ARFGEF3: variants seen among roughly 807,000 people sequenced by gnomAD.
ARFGEF3 encodes brefeldin A-inhibited guanine nucleotide-exchange protein 3.
A neutral mutation model predicts 221.7 loss-of-function variants in ARFGEF3; 96 were observed. That is an observed-to-expected ratio of 0.43 (90% CI 0.37 to 0.51). The LOEUF is 0.51. Ranked by LOEUF, ARFGEF3 falls within the 20% of genes least tolerant of loss-of-function variation. ARFGEF3 has a pLI of 0.00. For missense variants in ARFGEF3, 2,410 were observed against 2,789.9 expected (o/e 0.86, Z 3.07); for synonymous variants, 1,145 against 1,126.8 (o/e 1.02, Z -0.32).
At chr6:138,326,393 G>A (rs1780127019) in intron 31 of ARFGEF3, among the ~76,000 whole-genome samples, 1 of 152,096 alleles carries the variant, frequency 6.6e-6, no homozygotes, top group South Asian at 2.1e-4. Context: ...GACCAGCCTA[G>A]GCAATACCAT....
chr6:138,182,563 A>G (rs1246319390), intron 2 of ARFGEF3, among the ~76,000 whole-genome samples: 1 of 152,238 alleles, frequency 6.6e-6, no homozygotes, highest in Non-Finnish European at 1.5e-5. Flanking sequence ...TAAGATTAGC[A>G]CGTATACCTA....
At chr6:138,319,011 TG>T (rs1779974213) in intron 27 of ARFGEF3, among the ~76,000 whole-genome samples, 1 of 152,060 alleles carries the variant, frequency 6.6e-6, no homozygotes, top group Non-Finnish European at 1.5e-5. Flanking sequence ...CTGGAGCAAG[TG>T]GTGTGATCAT....
rs1457411505 is a variant in ARFGEF3, at chr6:138,279,989, C to T, written c.2296-10C>T. 1 of 1,613,576 alleles carries T rather than the reference C, an allele frequency of 6.2e-7. No individual in the cohort carries two copies. The highest frequency in any genetic ancestry group is 1.1e-5 in the South Asian group (1 of 91,054). On this transcript the variant is annotated splice_polypyrimidine_tract_variant and intron_variant, in intron 13 of 33. Transcript: ENST00000251691. ...TTATGTGGTCACCTTCTCATGCGATCTCTCTGTAGAAGGACTTCATGAAGC... is the reference window on the plus strand; with the variant it reads ...TTATGTGGTCACCTTCTCATGCGATTTCTCTGTAGAAGGACTTCATGAAGC...
intron 12 of ARFGEF3, among the ~76,000 whole-genome samples, chr6:138,268,657 GAAC>G (rs1778939961): frequency 6.6e-6 from 1 of 152,216 alleles, no homozygotes; most frequent in South Asian, 2.1e-4. Context: ...ATCCTGGATA[GAAC>G]AAAGTGACGT....
intron 29 of ARFGEF3, among the ~76,000 whole-genome samples, chr6:138,323,065 G>A (rs2114682820): frequency 6.6e-6 from 1 of 152,070 alleles, no homozygotes; most frequent in Non-Finnish European, 1.5e-5. Flanking sequence ...GTAGAGGAGT[G>A]ATGGAAAATG....
In ARFGEF3 at chr6:138,296,932, C is replaced by G; in HGVS notation, c.3625C>G (p.Leu1209Val). 6.2e-7 allele frequency: 1 copy of G among 1,613,458 alleles called. No homozygotes were observed. The highest frequency in any genetic ancestry group is 8.5e-7 in the Non-Finnish European group (1 of 1,179,686). Residue 1209 changes from leucine (L) to valine (V), a missense_variant, in exon 21 of 34, where the codon CTT (leucine) becomes GTT (valine). Physicochemically the swap from Leu to Val is conservative, Grantham distance 32. Transcript: ENST00000251691. Reference protein sequence around the residue: ...PLLHVMRCWSLVAPHLVEAAC... With the variant: ...PLLHVMRCWSVVAPHLVEAAC... The stretch of plus-strand genomic sequence containing the variant: ...GCTCCACGTGATGCGCTGCTGGAGC[C>G]TTGTGGCCCCACACCTGGTGGAGGT...
chr6:138,299,917 C>G (rs1779599521), intron 22 of ARFGEF3, among the ~76,000 whole-genome samples: 2 of 151,944 alleles, frequency 1.3e-5, no homozygotes, highest in South Asian at 4.2e-4. Context: ...TGAAATTACA[C>G]CACCTCAGGA....
intron 2 of ARFGEF3, among the ~76,000 whole-genome samples, chr6:138,178,459 G>C (rs1399510775): frequency 6.6e-6 from 1 of 152,180 alleles, no homozygotes; most frequent in Non-Finnish European, 1.5e-5. Context: ...CTTGAAGACT[G>C]TGCTGAGATG....
In ARFGEF3 at chr6:138,192,593, T is replaced by TAG. The variant is rs1403759966; in HGVS notation, c.138-14449_138-14448insAG. Among the ~76,000 whole-genome samples, 3 of 152,222 alleles carry TAG rather than the reference T, an allele frequency of 2.0e-5. No homozygotes were observed. The East Asian group carries it at 5.8e-4, about 29-fold the overall frequency. ...TGTGTGCATCCCTAGGCCTAAGGGCTGGCCATGAAGCAGTTAACTGCAGTG... is the reference window on the plus strand; with the variant it reads ...TGTGTGCATCCCTAGGCCTAAGGGCTAGGGCCATGAAGCAGTTAACTGCAGTG... On this transcript the variant is annotated intron_variant, in intron 2 of 33. Transcript: ENST00000251691.
intron 33 of ARFGEF3, among the ~76,000 whole-genome samples, chr6:138,335,524 G>A (rs953345726): frequency 2.7e-5 from 4 of 149,774 alleles, no homozygotes; most frequent in Non-Finnish European, 5.9e-5. Flanking sequence ...TGGACAACAC[G>A]GCAAAACCCA....
In ARFGEF3 at chr6:138,263,320, C is replaced by CA; in HGVS notation, c.1838dup (p.Tyr614ValfsTer27). 1 of 1,613,948 alleles carries CA rather than the reference C, an allele frequency of 6.2e-7. No homozygotes were observed. The highest frequency in any genetic ancestry group is 8.5e-7 in the Non-Finnish European group (1 of 1,179,894). ...TAGGACAGAGTTTGATTCCTGTGAT[C>CA]AGTACTCTATGGCAGCAGAAAAGGA... is the stretch of plus-strand genomic sequence containing the variant. On this transcript the variant is annotated frameshift_variant, in exon 12 of 34. Coordinates refer to ENST00000251691, the MANE Select transcript of ARFGEF3 (RefSeq NM_020340.5). LOFTEE classifies it high-confidence loss of function.
intron 2 of ARFGEF3, among the ~76,000 whole-genome samples, chr6:138,187,264 G>A (rs1388882399): frequency 5.9e-5 from 9 of 152,200 alleles, no homozygotes; most frequent in Admixed American, 2.6e-4. Context: ...CTAGAGCCTT[G>A]TGGATAGAAA....
At chr6:138,305,899 C>T (rs994132129) in intron 22 of ARFGEF3, among the ~76,000 whole-genome samples, 1 of 152,096 alleles carries the variant, frequency 6.6e-6, no homozygotes, top group African/African-American at 2.4e-5. Flanking sequence ...CATCTAACAT[C>T]ACACTTAATG....
chr6:138,343,423 C>T lies in ARFGEF3; in HGVS notation c.*6937C>T, dbSNP rs1233691121. The T allele has an allele frequency of 6.6e-6, 1 of 150,894 alleles. No individual in the cohort carries two copies. The allele number at this position is 150,894 out of a possible 1,614,324, so 9.3% of individuals were successfully genotyped here. A position where few individuals can be genotyped will look rare whatever the true frequency, so the allele number is the denominator to read the frequency against. On this transcript the variant is annotated 3_prime_UTR_variant, in exon 34 of 34. Coordinates refer to ENST00000251691, the MANE Select transcript of ARFGEF3 (RefSeq NM_020340.5). Reference sequence around the variant, plus strand: ...TTGATGATATCAAGGAGACAATCTACAGAGTTTTTGCCTCTGTGGATGGAA... The same window carrying T: ...TTGATGATATCAAGGAGACAATCTATAGAGTTTTTGCCTCTGTGGATGGAA...
intron 19 of ARFGEF3, among the ~76,000 whole-genome samples, chr6:138,292,548 G>A (rs976404036): frequency 7.9e-5 from 12 of 152,174 alleles, no homozygotes; most frequent in South Asian, 2.1e-4. Flanking sequence ...ATCACCAATC[G>A]CCTCAACTGT....
intron 1 of ARFGEF3, among the ~76,000 whole-genome samples, chr6:138,167,479 C>T (rs865784340): frequency 5.9e-5 from 9 of 152,332 alleles, no homozygotes; most frequent in South Asian, 2.1e-4. Flanking sequence ...CCCACCTCTA[C>T]CTCACTGCCC....
At chr6:138,236,156 T>G (rs1007763218) in intron 5 of ARFGEF3, among the ~76,000 whole-genome samples, 1 of 152,196 alleles carries the variant, frequency 6.6e-6, no homozygotes, top group Non-Finnish European at 1.5e-5. Context: ...GATTGCATAG[T>G]GGTATGTTTC....
At chr6:138,206,569 G>A (rs1777628025) in intron 2 of ARFGEF3, among the ~76,000 whole-genome samples, 1 of 152,144 alleles carries the variant, frequency 6.6e-6, no homozygotes, top group African/African-American at 2.4e-5. Flanking sequence ...CAAACTAATA[G>A]AATTTTGATG....
chr6:138,308,293 CA>C, intron 23 of ARFGEF3, among the ~76,000 whole-genome samples: 1 of 152,148 alleles, frequency 6.6e-6, no homozygotes, highest in East Asian at 1.9e-4. Context: ...AGACACCCGC[CA>C]AAGGCCAATT....
Sources: allele counts gnomAD v4.1 joint callset (sites outside exome capture counted in the v4.1 genomes callset), GRCh38; gene constraint gnomAD v4.1.1; transcripts MANE v1.5; gene names NCBI Gene and HGNC (gene_info 2026-07-23, HGNC 2026-07-21).